BICD1: variants seen among roughly 807,000 people sequenced by gnomAD.
The protein encoded by BICD1 is BICD cargo adaptor 1.
Under a neutral mutation model 92.5 loss-of-function variants are expected in BICD1, and 35 were observed. The observed-to-expected ratio is 0.38, with a 90% CI of 0.29 to 0.50. The LOEUF is 0.50. Among genes scored for constraint, BICD1 ranks in the 20% least tolerant of loss-of-function variants. The pLI is 0.93. For synonymous variants in BICD1, 429 were observed against 465.1 expected (o/e 0.92, Z 1.00); for missense variants, 950 against 1,189.8 (o/e 0.80, Z 2.97).
At chr12:32,107,583 TC>T (rs766194302) in intron 1 of BICD1, 39 bp downstream of exon 1, 1 of 1,538,568 alleles carries the variant, frequency 6.5e-7, no homozygotes, top group East Asian at 2.4e-5. Context: ...TGGCCCTCAC[TC>T]CCCCCACCCG....
intron 4 of BICD1, among the ~76,000 whole-genome samples, chr12:32,310,900 A>T (rs1039034340): frequency 2.3e-4 from 35 of 152,192 alleles, no homozygotes; most frequent in African/African-American, 8.4e-4. Flanking sequence ...AAAACAGTAT[A>T]CCTAGTCCAT....
At chr12:32,333,353 T>G (rs1335338161) in intron 5 of BICD1, 2 of 876,808 alleles carry the variant, frequency 2.3e-6, no homozygotes, top group African/African-American at 1.8e-5. Flanking sequence ...TTAATCTGAA[T>G]TTAAATCCAA....
At chr12:32,364,320 G>A (rs1939447406) in intron 8 of BICD1, among the ~76,000 whole-genome samples, 1 of 152,178 alleles carries the variant, frequency 6.6e-6, no homozygotes, top group Non-Finnish European at 1.5e-5. Context: ...CTTCAAGGGT[G>A]AGCCTAGCAG....
intron 3 of BICD1, among the ~76,000 whole-genome samples, chr12:32,295,082 G>A (rs200058299): frequency 1.4e-3 from 140 of 103,404 alleles, no homozygotes; most frequent in Middle Eastern, 5.1e-3. Flanking sequence ...ATTCCGTCTC[G>A]AAAAAAAAAA....
At chr12:32,252,165 TATA>T (rs1260986187) in intron 2 of BICD1, among the ~76,000 whole-genome samples, 1 of 127,150 alleles carries the variant, frequency 7.9e-6, no homozygotes, top group Non-Finnish European at 1.6e-5. Context: ...ATTATATATT[TATA>T]ATAAATATTA....
At chr12:32,156,319 C>A (rs1408881121) in intron 1 of BICD1, among the ~76,000 whole-genome samples, 1 of 152,150 alleles carries the variant, frequency 6.6e-6, no homozygotes, top group East Asian at 1.9e-4. Flanking sequence ...GTGTGAGGTG[C>A]CTGCACTTGC....
At chr12:32,209,662 C>A (rs1463775259) in intron 1 of BICD1, among the ~76,000 whole-genome samples, 1 of 152,090 alleles carries the variant, frequency 6.6e-6, no homozygotes, top group Non-Finnish European at 1.5e-5. Flanking sequence ...TTTAAAGAGG[C>A]GTCATGGCAG....
intron 8 of BICD1, chr12:32,340,598 G>A (rs1218176590): frequency 1.3e-6 from 1 of 756,814 alleles, no homozygotes; most frequent in African/African-American, 1.9e-5. Context: ...AATAATCAAT[G>A]TTAACAACAA....
rs79125534 is a variant in BICD1, at chr12:32,327,565, G to C, written c.1110G>C (p.Arg370=). ...CGGAGCAGCATGAGCGGGTGCACCGGCTCACAGAGCACGTCAATGCCATGA... is the reference window on the plus strand; with the variant it reads ...CGGAGCAGCATGAGCGGGTGCACCGCCTCACAGAGCACGTCAATGCCATGA... The part of the protein sequence containing the change: ...ALTEQHERVH[R]LTEHVNAMRG... The change falls in exon 5 of 10, where the codon CGG becomes CGC. Residue 370 remains arginine (R), a synonymous_variant. Coordinates refer to ENST00000652176, the MANE Select transcript of BICD1 (RefSeq NM_001714.4). 1.6e-3 allele frequency: 2,637 copies of C among 1,614,146 alleles called. 18 individuals carry two copies. Among genetic ancestry groups the C allele is most frequent in the East Asian group, 0.014 (617 of 44,872 alleles).
chr12:32,160,751 T>C (rs1943574603), intron 1 of BICD1, among the ~76,000 whole-genome samples: 1 of 152,218 alleles, frequency 6.6e-6, no homozygotes, highest in South Asian at 2.1e-4. Context: ...ATATTCCTGT[T>C]TGTGACTGTT....
intron 1 of BICD1, among the ~76,000 whole-genome samples, chr12:32,169,038 T>C (rs1427106264): frequency 1.3e-5 from 2 of 152,162 alleles, no homozygotes; most frequent in African/African-American, 4.8e-5. Context: ...TGTGAGGAGA[T>C]GGGACAGCCT....
intron 1 of BICD1, among the ~76,000 whole-genome samples, chr12:32,120,550 AAG>A (rs1325784525): frequency 6.6e-6 from 1 of 152,166 alleles, no homozygotes; most frequent in Non-Finnish European, 1.5e-5. Flanking sequence ...TTGAAACTGA[AAG>A]AGGTTTATAT....
chr12:32,269,236 G>A (rs1041812754), intron 2 of BICD1, among the ~76,000 whole-genome samples: 1 of 151,964 alleles, frequency 6.6e-6, no homozygotes, highest in African/African-American at 2.4e-5. Context: ...AGATAGATTT[G>A]TTTAAAAGAT....
chr12:32,249,589 T>C (rs1377178309), intron 2 of BICD1, among the ~76,000 whole-genome samples: 1 of 152,114 alleles, frequency 6.6e-6, no homozygotes, highest in Non-Finnish European at 1.5e-5. Flanking sequence ...ACCATTCACA[T>C]GGAGCCTAAG....
intron 8 of BICD1, among the ~76,000 whole-genome samples, chr12:32,350,755 G>A (rs1938831450): frequency 6.6e-6 from 1 of 152,098 alleles, no homozygotes; most frequent in South Asian, 2.1e-4. Context: ...TACCTGAAAG[G>A]TATGAGAGGA....
At chr12:32,293,868 A>T in intron 2 of BICD1, 126 bp from the exon 3 acceptor site, 1 of 980,446 alleles carries the variant, frequency 1.0e-6, no homozygotes, top group Non-Finnish European at 1.5e-6. Context: ...TGCCATTCGA[A>T]AAAATGCAGT....
intron 2 of BICD1, among the ~76,000 whole-genome samples, chr12:32,276,091 C>G (rs1370970514): frequency 6.6e-6 from 1 of 152,132 alleles, no homozygotes; most frequent in Non-Finnish European, 1.5e-5. Context: ...AAGCGTTTGT[C>G]TCTTCCAGAA....
rs1940164561 is a variant in BICD1 at position 32,381,198 on chromosome 12, G to A, written c.*3571G>A. On this transcript the variant is annotated 3_prime_UTR_variant, in exon 10 of 10. Transcript: ENST00000652176. ...AGATATTTGTTGGAAAAAAATGATC[G>A]TTGGTATTATTTTTTCTTTCAGCTA... 1 of 151,978 alleles carries A rather than the reference G, an allele frequency of 6.6e-6. No homozygotes were observed. Among genetic ancestry groups the A allele is most frequent in the South Asian group, 2.1e-4 (1 of 4,824 alleles). The allele number at this position is 151,978 out of a possible 1,614,324, so 9.4% of individuals were successfully genotyped here.
At chr12:32,369,226 G>A (rs11051960) in intron 9 of BICD1, among the ~76,000 whole-genome samples, 86,385 of 152,100 alleles carry the variant, frequency 0.57, 25,126 homozygotes, top group East Asian at 0.74. Context: ...TCCACACAGC[G>A]TCTCAGCGTT....
Sources: gnomAD v4.1 joint callset for allele counts (sites outside exome capture counted in the v4.1 genomes callset) on GRCh38, gnomAD v4.1.1 for gene constraint, MANE v1.5 for transcripts, NCBI Gene and HGNC (gene_info 2026-07-23, HGNC 2026-07-21) for gene names.